GABRB1: variants seen among roughly 807,000 people sequenced by gnomAD.
The protein encoded by GABRB1 is gamma-aminobutyric acid receptor subunit beta-1.
A neutral mutation model predicts 51.6 loss-of-function variants in GABRB1; 17 were observed. The observed-to-expected ratio is 0.33, with a 90% CI of 0.23 to 0.49. GABRB1 has a LOEUF of 0.49. Among genes scored for constraint, GABRB1 ranks in the 20% least tolerant of loss-of-function variants. The probability of loss-of-function intolerance (pLI) is 0.99; values close to 1 mark genes in which losing one functional copy is unlikely to be tolerated. For missense variants in GABRB1, 410 were observed against 600.6 expected (o/e 0.68, Z 3.32); for synonymous variants, 247 against 218.9 (o/e 1.13, Z -1.14).
intron 5 of GABRB1, among the ~76,000 whole-genome samples, chr4:47,354,980 GTTTTTTTT>G (rs71195627): frequency 2.3e-5 from 1 of 44,252 alleles, no homozygotes; most frequent in Non-Finnish European, 4.4e-5. Context: ...TTCTTCCTTT[GTTTTTTTT>G]TTTTTTTTTT....
At chr4:47,123,459 A>G (rs1447983373) in intron 3 of GABRB1, among the ~76,000 whole-genome samples, 2 of 113,690 alleles carry the variant, frequency 1.8e-5, no homozygotes, top group Non-Finnish European at 3.3e-5. Context: ...ATATTATAAT[A>G]TATTATATAT....
chr4:47,140,820 A>C (rs1451407398), intron 3 of GABRB1, among the ~76,000 whole-genome samples: 3 of 151,594 alleles, frequency 2.0e-5, no homozygotes, highest in African/African-American at 7.3e-5. Context: ...CAAAAAAAAT[A>C]GATATTTCCT....
chr4:47,099,438 C>T (rs903175763), intron 3 of GABRB1, among the ~76,000 whole-genome samples: 14 of 152,112 alleles, frequency 9.2e-5, no homozygotes, highest in African/African-American at 3.1e-4. Flanking sequence ...GGCAAGGTAT[C>T]ACTCTGTTCC....
intron 3 of GABRB1, among the ~76,000 whole-genome samples, chr4:47,060,975 G>T (rs545456677): frequency 1.3e-5 from 2 of 152,112 alleles, no homozygotes; most frequent in South Asian, 4.2e-4. Flanking sequence ...AATATCCCAT[G>T]GTTACTCTAC....
Position 47,425,671 on chromosome 4 carries a change from C to T in GABRB1, c.1081-3C>T. On this transcript the variant is annotated splice_region_variant and splice_polypyrimidine_tract_variant and intron_variant, in intron 8 of 8. Transcript: ENST00000295454. ...TGTCCGAGCCTGTTCTTTTTGCCAT[C>T]AGGTCGACGCCCACGGTAACATTCT... 1 of 1,579,958 alleles carries T rather than the reference C, an allele frequency of 6.3e-7. No individual in the cohort carries two copies. The highest frequency in any genetic ancestry group is 1.2e-5 in the South Asian group (1 of 86,058).
chr4:47,246,388 ATATATAT>A (rs1721761285), intron 4 of GABRB1, among the ~76,000 whole-genome samples: 7 of 62,180 alleles, frequency 1.1e-4, no homozygotes, highest in African/African-American at 4.4e-4. Context: ...ATATATATAT[ATATATAT>A]AAAATACCAC....
At chr4:47,085,306 G>A (rs1728012535) in intron 3 of GABRB1, among the ~76,000 whole-genome samples, 2 of 152,206 alleles carry the variant, frequency 1.3e-5, no homozygotes, top group South Asian at 2.1e-4. Context: ...TTAGTAAAAA[G>A]AATCTATAGT....
At chr4:47,321,255 G>C (rs1725073892) in intron 5 of GABRB1, among the ~76,000 whole-genome samples, 1 of 152,128 alleles carries the variant, frequency 6.6e-6, no homozygotes. Flanking sequence ...CATTAAGAAA[G>C]TAAAGGAAAA....
At chr4:47,168,242 T>A (rs1718281825) in intron 4 of GABRB1, among the ~76,000 whole-genome samples, 1 of 152,176 alleles carries the variant, frequency 6.6e-6, no homozygotes, top group African/African-American at 2.4e-5. Context: ...CTATGAGCTA[T>A]GTACTACTAT....
intron 4 of GABRB1, among the ~76,000 whole-genome samples, chr4:47,214,831 T>A (rs922490112): frequency 6.6e-6 from 1 of 152,130 alleles, no homozygotes; most frequent in African/African-American, 2.4e-5. Flanking sequence ...TGGCAGATAT[T>A]GGTAGAAATC....
intron 4 of GABRB1, among the ~76,000 whole-genome samples, chr4:47,228,555 G>C (rs1400079434): frequency 1.3e-5 from 2 of 152,020 alleles, no homozygotes; most frequent in African/African-American, 2.4e-5. Flanking sequence ...ACATATGGTT[G>C]ATATGGTAGC....
intron 3 of GABRB1, among the ~76,000 whole-genome samples, chr4:47,069,602 A>G (rs1487701335): frequency 2.6e-5 from 4 of 151,952 alleles, no homozygotes; most frequent in African/African-American, 2.4e-5. Flanking sequence ...CTCCAGCCAC[A>G]CCTCTCAGTG....
At chr4:47,390,670 G>A (rs917031837) in intron 5 of GABRB1, among the ~76,000 whole-genome samples, 4 of 152,204 alleles carry the variant, frequency 2.6e-5, no homozygotes, top group African/African-American at 9.7e-5. Context: ...GTATCCAAGT[G>A]TTCAGCTCTG....
intron 1 of GABRB1, among the ~76,000 whole-genome samples, chr4:47,013,190 C>G (rs949623794): frequency 6.6e-6 from 1 of 151,432 alleles, no homozygotes; most frequent in African/African-American, 2.4e-5. Flanking sequence ...TTTAGCATTA[C>G]CAATTACACC....
chr4:47,237,994 A>T (rs1204098855), intron 4 of GABRB1, among the ~76,000 whole-genome samples: 1 of 152,004 alleles, frequency 6.6e-6, no homozygotes, highest in Non-Finnish European at 1.5e-5. Context: ...TTTATATTTC[A>T]TATTTTGCAT....
chr4:47,161,531 G>A, intron 4 of GABRB1, 62 bp downstream of exon 4: 1 of 1,383,876 alleles, frequency 7.2e-7, no homozygotes, highest in Non-Finnish European at 1.0e-6. Context: ...TTAAACTTTT[G>A]GAAGTGGGCA....
intron 4 of GABRB1, among the ~76,000 whole-genome samples, chr4:47,297,913 C>A (rs1269138289): frequency 1.3e-5 from 2 of 152,162 alleles, no homozygotes; most frequent in South Asian, 2.1e-4. Context: ...GGCTTCATCC[C>A]TGGGATGCAA....
intron 3 of GABRB1, among the ~76,000 whole-genome samples, chr4:47,067,159 A>G (rs559688972): frequency 3.9e-5 from 6 of 152,300 alleles, no homozygotes; most frequent in South Asian, 4.1e-4. Context: ...GATCTTAACA[A>G]TGTGCTTACT....
chr4:47,145,227 T>G (rs1041194758), intron 3 of GABRB1, among the ~76,000 whole-genome samples: 2 of 152,006 alleles, frequency 1.3e-5, no homozygotes, highest in African/African-American at 4.8e-5. Context: ...AAACCTTTCT[T>G]GTCAAAGAAG....
Sources: gnomAD v4.1 joint callset for allele counts (sites outside exome capture counted in the v4.1 genomes callset) on GRCh38, gnomAD v4.1.1 for gene constraint, MANE v1.5 for transcripts, NCBI Gene and HGNC (gene_info 2026-07-23, HGNC 2026-07-21) for gene names.